RNF216: variants seen among roughly 807,000 people sequenced by gnomAD.
The protein encoded by RNF216 is ring finger protein 216, also known as E3 ubiquitin-protein ligase RNF216.
Under a neutral mutation model 110.8 loss-of-function variants are expected in RNF216, and 72 were observed. That is an observed-to-expected ratio of 0.65 (90% CI 0.54 to 0.79). RNF216 has a LOEUF of 0.79. RNF216 is among the 30% of genes least tolerant of loss of function. The pLI is 0.00. For missense variants in RNF216, 1,342 were observed against 1,141.2 expected, an observed-to-expected ratio of 1.18 and a Z score of -2.54; for synonymous variants, 495 against 407.5, an observed-to-expected ratio of 1.21 and a Z score of -2.59.
chr7:5,753,701 T>TA (rs1342945038), intron 2 of RNF216, among the ~76,000 whole-genome samples: 3 of 151,888 alleles, frequency 2.0e-5, no homozygotes, highest in East Asian at 1.9e-4. Flanking sequence ...GGGACAATTT[T>TA]AAAAAAAAGC....
chr7:5,676,390 T>C (rs538645433), intron 13 of RNF216, among the ~76,000 whole-genome samples: 1 of 152,260 alleles, frequency 6.6e-6, no homozygotes, highest in Admixed American at 6.5e-5. Context: ...AAAACAAAGC[T>C]GCCCTTAAAA....
At chr7:5,672,625 T>C (rs114370579) in intron 13 of RNF216, among the ~76,000 whole-genome samples, 1,756 of 152,324 alleles carry the variant, frequency 0.012, 36 homozygotes, top group African/African-American at 0.04. Flanking sequence ...TACATTCTCT[T>C]GCTGGTACCC....
At chr7:5,635,607 C>T (rs902991028) in intron 15 of RNF216, among the ~76,000 whole-genome samples, 1 of 152,150 alleles carries the variant, frequency 6.6e-6, no homozygotes, top group Non-Finnish European at 1.5e-5. Context: ...GTCCCCAGGA[C>T]TTTCTGCATG....
At chr7:5,683,159 G>C (rs188297080) in intron 13 of RNF216, among the ~76,000 whole-genome samples, 2 of 152,106 alleles carry the variant, frequency 1.3e-5, no homozygotes, top group East Asian at 1.9e-4. Flanking sequence ...ACAGACACCA[G>C]ACCACAAGCT....
rs66617363 is a variant in RNF216 at position 5,660,265 on chromosome 7, C to CTTTTTTTTTTT, written c.2062-7766_2062-7756dup. Among the ~76,000 whole-genome samples, 16 of 33,650 alleles carry CTTTTTTTTTTT rather than the reference C, an allele frequency of 4.8e-4. 2 individuals are homozygous for CTTTTTTTTTTT. The highest frequency in any genetic ancestry group is 8.7e-4 in the East Asian group (1 of 1,150). 22.1% of individuals were successfully genotyped at this position (33,650 alleles called of 152,430 possible). Reference sequence around the variant, plus strand: ...ACAGAGCCCGGCCCTGTTTTAAATTCTTTTTTTTTTTTTTTTTTTTTTTTT... The same window carrying CTTTTTTTTTTT: ...ACAGAGCCCGGCCCTGTTTTAAATTCTTTTTTTTTTTTTTTTTTTTTTTTTTTTTTTTTTTT... On this transcript the variant is annotated intron_variant, in intron 13 of 16. Transcript: ENST00000389902.
intron 13 of RNF216, among the ~76,000 whole-genome samples, chr7:5,681,555 A>G (rs1790651831): frequency 6.6e-6 from 1 of 152,186 alleles, no homozygotes; most frequent in Non-Finnish European, 1.5e-5. Flanking sequence ...CACCAAGGAC[A>G]GTGTCTTCCT....
intron 13 of RNF216, among the ~76,000 whole-genome samples, chr7:5,672,807 T>A (rs1023888876): frequency 6.6e-6 from 1 of 151,924 alleles, no homozygotes; most frequent in Non-Finnish European, 1.5e-5. Context: ...TAGGATGCTG[T>A]AGAGCACTGG....
At chr7:5,722,245 CTT>C (rs1314423288) in intron 8 of RNF216, among the ~76,000 whole-genome samples, 1 of 151,892 alleles carries the variant, frequency 6.6e-6, no homozygotes, top group African/African-American at 2.4e-5. Flanking sequence ...TTCTAGAAAA[CTT>C]TATCTCATTC....
Position 5,741,099 on chromosome 7 carries a change from A to T in RNF216, c.918T>A (p.Ser306Arg). ...AGGCTGGACCTGGCTCTTCATCATC[A>T]CTTGCTAACTGCTGGTCTTCAAACT... ...LGEFEDQQLA[S>R]DDEEPGPAFP... The change falls in exon 4 of 17, where the codon AGT (serine) becomes AGA (arginine). Residue 306 changes from serine to arginine, a missense_variant. Ser to Arg is a moderately radical substitution (Grantham distance 110, BLOSUM62 -1). Coordinates refer to ENST00000389902, the MANE Select transcript of RNF216 (RefSeq NM_207111.4). 2.5e-6 allele frequency: 4 copies of T among 1,614,030 alleles called. No individual in the cohort carries two copies. The highest frequency in any genetic ancestry group is 3.4e-6 in the Non-Finnish European group (4 of 1,180,016).
rs1786265310 is a variant in RNF216, at chr7:5,620,188, CTT to C, written c.*2670_*2671del. 1 of 152,222 alleles carries C rather than the reference CTT, an allele frequency of 6.6e-6. No individual in the cohort carries two copies. Among genetic ancestry groups the C allele is most frequent in the African/African-American group, 2.4e-5 (1 of 41,454 alleles). 9.4% of individuals were successfully genotyped at this position (152,222 alleles called of 1,614,324 possible). On this transcript the variant is annotated 3_prime_UTR_variant, in exon 17 of 17. Coordinates refer to ENST00000389902, the MANE Select transcript of RNF216 (RefSeq NM_207111.4). ...AAAAAGTTTAATGAACTAATCGTTT[CTT>C]GTTTTTATACAAAGTGACAGATCAT...
intron 13 of RNF216, among the ~76,000 whole-genome samples, chr7:5,679,116 A>C (rs1362971278): frequency 1.3e-5 from 2 of 152,220 alleles, no homozygotes; most frequent in African/African-American, 4.8e-5. Flanking sequence ...GTGCTTATGG[A>C]TGAAACATCT....
intron 9 of RNF216, among the ~76,000 whole-genome samples, chr7:5,717,030 T>A (rs10241310): frequency 3.9e-4 from 60 of 152,190 alleles, no homozygotes; most frequent in African/African-American, 1.4e-3. Context: ...CAGCAAAGAA[T>A]AGCATCAACA....
intron 1 of RNF216, among the ~76,000 whole-genome samples, chr7:5,773,329 A>ACCT (rs1796601007): frequency 1.4e-5 from 2 of 145,616 alleles, no homozygotes; most frequent in Admixed American, 1.4e-4. Context: ...TGCAACCTCC[A>ACCT]CCTCCTGGGT....
At chr7:5,742,946 G>T (rs1351970150) in intron 3 of RNF216, among the ~76,000 whole-genome samples, 2 of 151,984 alleles carry the variant, frequency 1.3e-5, no homozygotes. Flanking sequence ...ATTTAGGAGA[G>T]AAATTTGGCA....
chr7:5,683,758 G>C (rs1213724911), intron 13 of RNF216, among the ~76,000 whole-genome samples: 2 of 152,184 alleles, frequency 1.3e-5, no homozygotes, highest in African/African-American at 4.8e-5. Context: ...CACAGCAGTA[G>C]ATAATCAATG....
chr7:5,715,198 C>G lies in RNF216; in HGVS notation c.1696-8G>C. On this transcript the variant is annotated splice_polypyrimidine_tract_variant and splice_region_variant and intron_variant, in intron 10 of 16. Coordinates refer to ENST00000389902, the MANE Select transcript of RNF216 (RefSeq NM_207111.4). ...CTCAATCAGCTGGCCATCCTGCAGG[C>G]AGTCAAGAAACACACATGAAATGTC... 6.2e-7 allele frequency: 1 copy of G among 1,611,524 alleles called. No individual in the cohort carries two copies. The highest frequency in any genetic ancestry group is 8.5e-7 in the Non-Finnish European group (1 of 1,179,352).
intron 14 of RNF216, among the ~76,000 whole-genome samples, chr7:5,650,634 T>G (rs778818921): frequency 2.6e-5 from 4 of 152,182 alleles, no homozygotes; most frequent in African/African-American, 4.8e-5. Flanking sequence ...CCTCAATCCT[T>G]GGCTCATGGC....
intron 1 of RNF216, among the ~76,000 whole-genome samples, 155 bp downstream of exon 1, chr7:5,781,386 G>A (rs1472901794): frequency 1.4e-5 from 2 of 140,136 alleles, no homozygotes; most frequent in African/African-American, 5.3e-5. Flanking sequence ...GCCCGATCCC[G>A]CCCGGGCCTC....
intron 2 of RNF216, among the ~76,000 whole-genome samples, chr7:5,759,213 C>T (rs74570281): frequency 1.3e-5 from 2 of 152,136 alleles, no homozygotes; most frequent in African/African-American, 4.8e-5. Flanking sequence ...AGGCCTCCCC[C>T]AGAAGCAGAG....
Sources: allele counts gnomAD v4.1 joint callset (sites outside exome capture counted in the v4.1 genomes callset), GRCh38; gene constraint gnomAD v4.1.1; transcripts MANE v1.5; gene names NCBI Gene and HGNC (gene_info 2026-07-23, HGNC 2026-07-21).